The following PDE1C variants were observed in gnomAD, a reference collection of about 807,000 sequenced individuals.
PDE1C encodes phosphodiesterase 1C, also known as dual specificity calcium/calmodulin-dependent 3',5'-cyclic nucleotide phosphodiesterase 1C.
PDE1C carries 62 observed loss-of-function variants against 93.1 expected under a neutral mutation model. The observed-to-expected ratio is 0.67, with a 90% CI of 0.54 to 0.82. PDE1C has a LOEUF of 0.82. PDE1C is among the 40% of genes least tolerant of loss of function. PDE1C has a pLI of 0.00. For synonymous variants in PDE1C, 325 were observed against 310.1 expected, an observed-to-expected ratio of 1.05 and a Z score of -0.50; for missense variants, 742 against 884.6, an observed-to-expected ratio of 0.84 and a Z score of 2.04.
At chr7:32,204,017 T>C (rs887601107) in intron 2 of PDE1C, among the ~76,000 whole-genome samples, 2 of 152,174 alleles carry the variant, frequency 1.3e-5, no homozygotes, top group African/African-American at 2.4e-5. Flanking sequence ...CCAGCATCAG[T>C]ACTCTTGCAC....
chr7:32,350,393 T>C (rs1265351756), intron 1 of PDE1C, among the ~76,000 whole-genome samples: 1 of 149,166 alleles, frequency 6.7e-6, no homozygotes, highest in African/African-American at 2.5e-5. Context: ...AATACTATTA[T>C]TATAACTAAG....
intron 17 of PDE1C, among the ~76,000 whole-genome samples, chr7:31,775,076 G>C (rs913838291): frequency 6.6e-6 from 1 of 152,146 alleles, no homozygotes; most frequent in Non-Finnish European, 1.5e-5. Flanking sequence ...AATTATACTT[G>C]ATCCTCATGA....
the PDE1C span, chr7:31,695,463 A>G: frequency 6.3e-7 from 1 of 1,593,082 alleles, no homozygotes; most frequent in East Asian, 2.2e-5. Flanking sequence ...ATCCTGTCAA[A>G]ATTAGATGAT....
chr7:32,193,605 T>C (rs1804385118), intron 2 of PDE1C, among the ~76,000 whole-genome samples: 1 of 152,190 alleles, frequency 6.6e-6, no homozygotes, highest in African/African-American at 2.4e-5. Flanking sequence ...TGGTCTGTAA[T>C]TTTTCTCTTT....
At chr7:31,644,753 A>G in the PDE1C span, among the ~76,000 whole-genome samples, 1 of 152,206 alleles carries the variant, frequency 6.6e-6, no homozygotes, top group Non-Finnish European at 1.5e-5. Context: ...AGGGCCAGCC[A>G]TTGATTAAAA....
At chr7:32,047,689 C>CA (rs912425020) in intron 2 of PDE1C, among the ~76,000 whole-genome samples, 9 of 151,464 alleles carry the variant, frequency 5.9e-5, no homozygotes, top group African/African-American at 2.2e-4. Context: ...AGTAGGATGA[C>CA]AATTACTTTG....
intron 1 of PDE1C, among the ~76,000 whole-genome samples, chr7:32,321,428 T>A (rs1382152988): frequency 6.6e-6 from 1 of 152,234 alleles, no homozygotes; most frequent in Non-Finnish European, 1.5e-5. Context: ...TACTCTACTA[T>A]GTTAATTTCT....
At chr7:31,876,110 A>C (rs977526835) in intron 5 of PDE1C, among the ~76,000 whole-genome samples, 1 of 152,002 alleles carries the variant, frequency 6.6e-6, no homozygotes, top group Non-Finnish European at 1.5e-5. Flanking sequence ...AAAGAAACAA[A>C]AGAGTCTATA....
intron 1 of PDE1C, among the ~76,000 whole-genome samples, chr7:32,288,540 G>A (rs538505931): frequency 1.4e-4 from 22 of 152,238 alleles, no homozygotes; most frequent in Non-Finnish European, 2.6e-4. Context: ...GGAAAACTGG[G>A]TTTCTGTGGG....
chr7:31,951,203 T>C (rs1807322189), intron 2 of PDE1C, among the ~76,000 whole-genome samples: 5 of 152,254 alleles, frequency 3.3e-5, no homozygotes, highest in Admixed American at 6.5e-5. Flanking sequence ...TCTTCAAACA[T>C]AGTCACATTG....
At chr7:31,763,321 G>A (rs186029316) in intron 17 of PDE1C, among the ~76,000 whole-genome samples, 1 of 152,174 alleles carries the variant, frequency 6.6e-6, no homozygotes, top group East Asian at 1.9e-4. Flanking sequence ...CTCTTACCAT[G>A]GGCATTAGAT....
At chr7:32,232,167 C>T (rs1807744465) in intron 1 of PDE1C, among the ~76,000 whole-genome samples, 1 of 152,086 alleles carries the variant, frequency 6.6e-6, no homozygotes, top group African/African-American at 2.4e-5. Flanking sequence ...TTTGAAGCAC[C>T]ACCAAACTAG....
intron 1 of PDE1C, among the ~76,000 whole-genome samples, chr7:32,335,032 G>A (rs215644): frequency 0.95 from 145,162 of 152,270 alleles, 69,385 homozygotes; most frequent in East Asian, 1. Context: ...GTTCTCTCCC[G>A]GCCACTTTCA....
intron 1 of PDE1C, among the ~76,000 whole-genome samples, chr7:32,397,705 T>C (rs1223625987): frequency 3.3e-5 from 5 of 152,080 alleles, no homozygotes; most frequent in Non-Finnish European, 5.9e-5. Context: ...TTATGGAACA[T>C]CTGCAACTGT....
intron 3 of PDE1C, among the ~76,000 whole-genome samples, chr7:32,168,079 A>G (rs892014233): frequency 1.3e-5 from 2 of 152,198 alleles, no homozygotes; most frequent in Non-Finnish European, 2.9e-5. Context: ...ACACAGTTGT[A>G]TTAAGGGTAC....
At chr7:32,231,958 T>TACAC (rs920777957) in intron 1 of PDE1C, among the ~76,000 whole-genome samples, 4 of 55,838 alleles carry the variant, frequency 7.2e-5, no homozygotes, top group African/African-American at 4.9e-4. Context: ...AATATGTGTA[T>TACAC]ACACACACAC....
chr7:32,320,601 C>A (rs1212925969), intron 1 of PDE1C, among the ~76,000 whole-genome samples: 2 of 150,666 alleles, frequency 1.3e-5, no homozygotes, highest in East Asian at 2.0e-4. Context: ...TGTGCCCCCA[C>A]CAGGTGCTTA....
chr7:32,250,387 C>A (rs138604419), intron 1 of PDE1C, among the ~76,000 whole-genome samples: 1 of 152,182 alleles, frequency 6.6e-6, no homozygotes, highest in African/African-American at 2.4e-5. Context: ...AAATTAGGTG[C>A]GCATCAGAAT....
At chr7:31,745,915 T>C in the PDE1C span, among the ~76,000 whole-genome samples, 1 of 152,164 alleles carries the variant, frequency 6.6e-6, no homozygotes, top group East Asian at 1.9e-4. Flanking sequence ...TTATGCTGAG[T>C]ATGGTGGGCG....
Sources: allele counts gnomAD v4.1 joint callset (sites outside exome capture counted in the v4.1 genomes callset), GRCh38; gene constraint gnomAD v4.1.1; transcripts MANE v1.5; gene names NCBI Gene and HGNC (gene_info 2026-07-23, HGNC 2026-07-21).